Variants in CHIA observed in about 807,000 individuals in gnomAD.
The protein encoded by CHIA is acidic mammalian chitinase.
CHIA carries 47 observed loss-of-function variants against 53.5 expected under a neutral mutation model. The ratio of observed to expected loss-of-function variants is 0.88; its 90% CI spans 0.70 to 1.12. The LOEUF (loss-of-function observed/expected upper bound fraction) is 1.12. Ranked by LOEUF, CHIA falls within the 50% of genes most tolerant of loss-of-function variation. CHIA has a pLI of 0.00. For missense variants in CHIA, 652 were observed against 592.2 expected, an observed-to-expected ratio of 1.10 and a Z score of -1.05; for synonymous variants, 268 against 222.2, an observed-to-expected ratio of 1.21 and a Z score of -1.83.
chr1:111,308,481 T>C (rs774869923), intron 1 of CHIA, among the ~76,000 whole-genome samples: 5 of 152,216 alleles, frequency 3.3e-5, no homozygotes, highest in Non-Finnish European at 7.3e-5. Context: ...TCAGCAAAAT[T>C]GGTGTGATAG....
chr1:111,312,398 T>G lies in CHIA; in HGVS notation c.257+7T>G, dbSNP rs569468207. ...TCAATGGCCTGAAAAATAAGTAGGATGAGGGAGATATTTAATTTGGCATCC... is the reference window on the plus strand; with the variant it reads ...TCAATGGCCTGAAAAATAAGTAGGAGGAGGGAGATATTTAATTTGGCATCC... On this transcript the variant is annotated splice_region_variant and intron_variant, in intron 4 of 11. Coordinates refer to ENST00000369740, the MANE Select transcript of CHIA (RefSeq NM_201653.4). The G allele has an allele frequency of 9.3e-6, 15 of 1,608,084 alleles. No individual in the cohort carries two copies. The African/African-American group carries it at 1.5e-4, about 16-fold the overall frequency.
chr1:111,318,608 G>C lies in CHIA; in HGVS notation c.845G>C (p.Gly282Ala), dbSNP rs773493739. 7 of 1,614,134 alleles carry C rather than the reference G, an allele frequency of 4.3e-6. No individual in the cohort carries two copies. The Admixed American group carries it at 1.0e-4, about 23-fold the overall frequency. The change falls in exon 9 of 12, where the codon GGT becomes GCT. Residue 282 changes from glycine (G) to alanine (A), a missense_variant. Physicochemically the swap from Gly to Ala is moderately conservative, Grantham distance 60. Transcript: ENST00000369740. ...ILSNPSNTGI[G>A]APTSGAGPAG... ...AGCAACCCCTCCAACACTGGAATTG[G>C]TGCCCCCACCTCTGGTGCTGGTCCT... is the stretch of plus-strand genomic sequence containing the variant.
intron 1 of CHIA, among the ~76,000 whole-genome samples, chr1:111,305,456 C>CT (rs1348456849): frequency 6.6e-6 from 1 of 152,134 alleles, no homozygotes; most frequent in Admixed American, 6.5e-5. Flanking sequence ...GGACATAGTC[C>CT]TTTTTTGCCC....
chr1:111,291,759 T>C (rs1661033963), intron 1 of CHIA, among the ~76,000 whole-genome samples: 1 of 146,686 alleles, frequency 6.8e-6, no homozygotes. Context: ...TAAACATCTA[T>C]ATTTTAAAAA....
At chr1:111,307,121 T>A (rs566849306) in intron 1 of CHIA, among the ~76,000 whole-genome samples, 1 of 152,330 alleles carries the variant, frequency 6.6e-6, no homozygotes, top group African/African-American at 2.4e-5. Flanking sequence ...GAAAAACTGT[T>A]GTAAATGAGT....
chr1:111,316,147 A>T (rs1162096235), intron 6 of CHIA: 1 of 243,874 alleles, frequency 4.1e-6, no homozygotes, highest in Non-Finnish European at 8.2e-6. Context: ...TTAAGTGAGG[A>T]TGGGAATGGC....
At chr1:111,303,178 G>T (rs959276434) in intron 1 of CHIA, among the ~76,000 whole-genome samples, 4 of 151,912 alleles carry the variant, frequency 2.6e-5, no homozygotes, top group African/African-American at 9.7e-5. Flanking sequence ...GACAGCGTAT[G>T]GTTGGATCAT....
intron 1 of CHIA, among the ~76,000 whole-genome samples, chr1:111,292,424 G>A (rs1661079973): frequency 6.6e-6 from 1 of 152,212 alleles, no homozygotes; most frequent in Non-Finnish European, 1.5e-5. Context: ...GTGCTGGACA[G>A]ATGTGGGAGA....
At chr1:111,319,928 A>G (rs1019019011) in intron 11 of CHIA, among the ~76,000 whole-genome samples, 3 of 152,256 alleles carry the variant, frequency 2.0e-5, no homozygotes, top group Admixed American at 6.5e-5. Flanking sequence ...CAGATTCTAG[A>G]AAAGTGTTTT....
rs531352485 is a variant in CHIA, at chr1:111,293,060, T to G, written c.-69+2110T>G. ...ACTGTGAACATGGAAGTACAAATATTTCTTTGACACCAAGCTTTAAGTTAT... is the reference window on the plus strand; with the variant it reads ...ACTGTGAACATGGAAGTACAAATATGTCTTTGACACCAAGCTTTAAGTTAT... On this transcript the variant is annotated intron_variant, in intron 1 of 11. Transcript: ENST00000369740. Among the ~76,000 whole-genome samples, 250 of 152,304 alleles carry G rather than the reference T, an allele frequency of 1.6e-3. 1 individual carries two copies. Among genetic ancestry groups the G allele is most frequent in the Non-Finnish European group, 2.9e-3 (199 of 68,018 alleles).
chr1:111,305,693 T>A (rs75085632), intron 1 of CHIA, among the ~76,000 whole-genome samples: 2,476 of 152,326 alleles, frequency 0.016, 62 homozygotes, highest in African/African-American at 0.057. Flanking sequence ...AGTAAAATTT[T>A]TGTCTAGGAA....
chr1:111,310,516 C>T, intron 2 of CHIA, 24 bp downstream of exon 2: 4 of 1,613,984 alleles, frequency 2.5e-6, no homozygotes, highest in Non-Finnish European at 3.4e-6. Flanking sequence ...CAGAGATTGA[C>T]CCTTCATCTT....
At chr1:111,314,092 C>G (rs1339256362) in intron 4 of CHIA, among the ~76,000 whole-genome samples, 1 of 151,980 alleles carries the variant, frequency 6.6e-6, no homozygotes, top group Non-Finnish European at 1.5e-5. Flanking sequence ...CTCCCACAAC[C>G]CTTGCACTTA....
At chr1:111,303,150 T>G (rs147523293) in intron 1 of CHIA, among the ~76,000 whole-genome samples, 4 of 152,270 alleles carry the variant, frequency 2.6e-5, no homozygotes, top group Non-Finnish European at 5.9e-5. Flanking sequence ...TCTTTAAATC[T>G]AAAATGAGTC....
rs116430435 is a variant in CHIA, at chr1:111,317,717, A to T, written c.517A>T (p.Ile173Phe). 575 of 1,614,160 alleles carry T rather than the reference A, an allele frequency of 3.6e-4. No homozygotes were observed. The highest frequency in any genetic ancestry group is 6.6e-4 in the Middle Eastern group (4 of 6,022). ...REAFEQEAKQINKPRLMVTAA... is the reference protein window; with the variant it reads ...REAFEQEAKQFNKPRLMVTAA... ...AGCTTTTGAGCAGGAGGCCAAGCAG[A>T]TCAACAAGCCCAGGCTGATGGTCAC... The change falls in exon 7 of 12, where the codon ATC becomes TTC. Residue 173 changes from isoleucine (I) to phenylalanine (F), a missense_variant. By Grantham distance (21) the Ile-to-Phe change is conservative. Coordinates refer to ENST00000369740, the MANE Select transcript of CHIA (RefSeq NM_201653.4).
Position 111,310,430 on chromosome 1 carries a change from A to G in CHIA, c.-38A>G. ...TTTGTGATAACCACAGAATCAGAAC[A>G]TATAAAAAGCTCTGCGGGACTGGTG... is the stretch of plus-strand genomic sequence containing the variant. On this transcript the variant is annotated 5_prime_UTR_variant, in exon 2 of 12. Transcript: ENST00000369740. The G allele has an allele frequency of 7.2e-7, 1 of 1,395,418 alleles. No individual in the cohort carries two copies. The highest frequency in any genetic ancestry group is 1.0e-6 in the Non-Finnish European group (1 of 997,848). The allele number at this position is 1,395,418 out of a possible 1,614,324, so 86.4% of individuals were successfully genotyped here. A position where few individuals can be genotyped will look rare whatever the true frequency, so the allele number is the denominator to read the frequency against.
At chr1:111,300,306 G>T (rs530382692) in intron 1 of CHIA, among the ~76,000 whole-genome samples, 192 of 152,274 alleles carry the variant, frequency 1.3e-3, no homozygotes, top group African/African-American at 4.5e-3. Flanking sequence ...AAAGCTGGAG[G>T]CATCATGCTA....
intron 6 of CHIA, 142 bp downstream of exon 6, chr1:111,315,577 C>A (rs1207874089): frequency 1.2e-6 from 1 of 868,994 alleles, no homozygotes; most frequent in Non-Finnish European, 1.7e-6. Flanking sequence ...ATATATCGTG[C>A]GTTCATTAAA....
chr1:111,293,490 C>T (rs1243239117), intron 1 of CHIA, among the ~76,000 whole-genome samples: 1 of 152,126 alleles, frequency 6.6e-6, no homozygotes, highest in Non-Finnish European at 1.5e-5. Context: ...CTGAATATCT[C>T]TTATCAGATA....
Sources: allele counts gnomAD v4.1 joint callset (sites outside exome capture counted in the v4.1 genomes callset), GRCh38; gene constraint gnomAD v4.1.1; transcripts MANE v1.5; gene names NCBI Gene and HGNC (gene_info 2026-07-23, HGNC 2026-07-21).